The following PRKN variants were observed in gnomAD, a reference collection of about 807,000 sequenced individuals.
PRKN encodes the protein E3 ubiquitin-protein ligase parkin.
Under a neutral mutation model 59.5 loss-of-function variants are expected in PRKN, and 56 were observed. The observed-to-expected ratio is 0.94, with a 90% CI of 0.76 to 1.18. The LOEUF is 1.18. PRKN is among the 50% of genes most tolerant of loss of function. The pLI, the probability that PRKN is intolerant of heterozygous loss-of-function variation, is 0.00. For missense variants in PRKN, 657 were observed against 596.4 expected (o/e 1.10, Z -1.06); for synonymous variants, 250 against 222.1 (o/e 1.13, Z -1.12).
intron 1 of PRKN, among the ~76,000 whole-genome samples, chr6:162,606,657 A>G (rs978296528): frequency 1.3e-5 from 2 of 152,162 alleles, no homozygotes; most frequent in South Asian, 4.1e-4. Flanking sequence ...GATAGATTTG[A>G]TATTGACATG....
chr6:162,467,668 C>A (rs1250372691), intron 1 of PRKN, among the ~76,000 whole-genome samples: 1 of 152,076 alleles, frequency 6.6e-6, no homozygotes, highest in Non-Finnish European at 1.5e-5. Context: ...TCCCTTGACA[C>A]AAGAAAAAAC....
chr6:161,936,504 C>T (rs375640864), intron 6 of PRKN, among the ~76,000 whole-genome samples: 12 of 152,086 alleles, frequency 7.9e-5, no homozygotes, highest in East Asian at 5.8e-4. Flanking sequence ...TCACCATGCC[C>T]GGCTGGTAAC....
chr6:162,511,256 TTG>T (rs1227816757), intron 1 of PRKN, among the ~76,000 whole-genome samples: 2 of 152,152 alleles, frequency 1.3e-5, no homozygotes, highest in African/African-American at 2.4e-5. Context: ...TACTTACTAA[TTG>T]TGTTTGTAGC....
At chr6:162,438,055 T>G (rs1789866095) in intron 2 of PRKN, among the ~76,000 whole-genome samples, 1 of 152,180 alleles carries the variant, frequency 6.6e-6, no homozygotes. Flanking sequence ...AATTTGCGAG[T>G]AATCCAATTT....
chr6:161,771,251 G>A (rs3016566), intron 7 of PRKN, among the ~76,000 whole-genome samples: 80,328 of 150,998 alleles, frequency 0.53, 21,645 homozygotes, highest in Non-Finnish European at 0.57. Context: ...AGCTACTCAG[G>A]AGGCTGAGGC....
chr6:161,416,418 C>T (rs1787854455), intron 9 of PRKN, among the ~76,000 whole-genome samples: 1 of 152,078 alleles, frequency 6.6e-6, no homozygotes, highest in African/African-American at 2.4e-5. Flanking sequence ...GTGCCTAGAA[C>T]AGGACCTGGC....
At chr6:162,426,531 A>T (rs1350627827) in intron 2 of PRKN, among the ~76,000 whole-genome samples, 1 of 152,128 alleles carries the variant, frequency 6.6e-6, no homozygotes, top group Non-Finnish European at 1.5e-5. Context: ...GCTCACTACA[A>T]CCTCTGCCTC....
intron 4 of PRKN, among the ~76,000 whole-genome samples, chr6:162,074,518 T>C (rs1371188022): frequency 1.3e-5 from 2 of 151,478 alleles, no homozygotes; most frequent in African/African-American, 2.4e-5. Context: ...TTGGGAGATA[T>C]ACCTAATGCT....
intron 7 of PRKN, among the ~76,000 whole-genome samples, chr6:161,628,360 T>A (rs1034941736): frequency 6.6e-6 from 1 of 152,216 alleles, no homozygotes; most frequent in Admixed American, 6.5e-5. Flanking sequence ...CTGTGTCTGA[T>A]GAGTGCTGTC....
intron 6 of PRKN, among the ~76,000 whole-genome samples, chr6:161,799,771 T>A (rs1269703575): frequency 6.6e-6 from 1 of 152,200 alleles, no homozygotes; most frequent in African/African-American, 2.4e-5. Context: ...GCACTGCCCA[T>A]GCTGGGTGGC....
At chr6:161,867,130 C>T (rs1421680384) in intron 6 of PRKN, among the ~76,000 whole-genome samples, 2 of 152,128 alleles carry the variant, frequency 1.3e-5, no homozygotes, top group African/African-American at 4.8e-5. Flanking sequence ...TTATTTGGAT[C>T]TGTTCTATAT....
At chr6:162,613,671 C>T (rs575892504) in intron 1 of PRKN, among the ~76,000 whole-genome samples, 10 of 152,202 alleles carry the variant, frequency 6.6e-5, no homozygotes, top group Non-Finnish European at 1.5e-4. Context: ...AAGAGAACTC[C>T]CCTAAGAAAA....
At chr6:162,259,455 T>C (rs909559756) in intron 3 of PRKN, among the ~76,000 whole-genome samples, 1 of 152,238 alleles carries the variant, frequency 6.6e-6, no homozygotes, top group Non-Finnish European at 1.5e-5. Flanking sequence ...AGATTTTTTT[T>C]CTCGCCATTC....
rs943053112 is a variant in PRKN at position 161,359,453 on chromosome 6, C to T, written c.1285+635G>A. ...AGCTGGGAGAGGCTGCGCCTGGCTT[C>T]GTGTCATTGCTCATCTGTGATGGTG... is the stretch of plus-strand genomic sequence containing the variant. On this transcript the variant is annotated intron_variant, in intron 11 of 11. Coordinates refer to ENST00000366898, the MANE Select transcript of PRKN (RefSeq NM_004562.3). This position sits in a 1 kb window ranked among gnomAD's most constrained non-coding sequence, Gnocchi z 5.4. Among the ~76,000 whole-genome samples the T allele has an allele frequency of 5.3e-5, 8 of 152,304 alleles. No homozygotes were observed. The South Asian group carries it at 1.5e-3, about 28-fold the overall frequency.
chr6:161,774,060 T>A lies in PRKN; in HGVS notation c.871+11712A>T, dbSNP rs147803459. On this transcript the variant is annotated intron_variant, in intron 7 of 11. Transcript: ENST00000366898. The stretch of plus-strand genomic sequence containing the variant: ...AGTAGAATTCTATAAAGGCAGCATT[T>A]CCAAGGCCAAAAAGATGACCGAACA... 7.8e-3 allele frequency among the ~76,000 whole-genome samples: 1,187 copies of A among 152,228 alleles called. 22 individuals are homozygous for A. Among genetic ancestry groups the A allele is most frequent in the South Asian group, 0.038 (182 of 4,816 alleles).
intron 5 of PRKN, among the ~76,000 whole-genome samples, chr6:162,024,816 A>G (rs149382349): frequency 1.3e-5 from 2 of 152,278 alleles, no homozygotes; most frequent in African/African-American, 4.8e-5. Context: ...ATTTGCAAAA[A>G]CAAAGAGAAA....
In PRKN at chr6:161,475,327, T is replaced by G. The variant is rs1253152891; in HGVS notation, c.1083+73527A>C. ...CAGACATTCACGTTGCTTTCCAGTA[T>G]TCCCATTTGCGATTTGTTTTTGGTC... is the stretch of plus-strand genomic sequence containing the variant. On this transcript the variant is annotated intron_variant, in intron 9 of 11. Coordinates refer to ENST00000366898, the MANE Select transcript of PRKN (RefSeq NM_004562.3). The surrounding 1 kb of genome is among the most constrained non-coding windows in gnomAD (Gnocchi z 5.3). 1.3e-5 allele frequency among the ~76,000 whole-genome samples: 2 copies of G among 152,212 alleles called. No individual in the cohort carries two copies. Among genetic ancestry groups the G allele is most frequent in the African/African-American group, 4.8e-5 (2 of 41,454 alleles).
At chr6:161,794,465 C>T (rs978453219) in intron 6 of PRKN, among the ~76,000 whole-genome samples, 6 of 152,128 alleles carry the variant, frequency 3.9e-5, no homozygotes, top group African/African-American at 1.2e-4. Flanking sequence ...GACCCCCTGT[C>T]TGATCCCAGC....
chr6:162,239,218 A>G (rs1778880619), intron 3 of PRKN, among the ~76,000 whole-genome samples: 1 of 152,156 alleles, frequency 6.6e-6, no homozygotes, highest in Non-Finnish European at 1.5e-5. Context: ...ACATTTGTCC[A>G]CAAGCCTTTC....
Sources: gnomAD v4.1 joint callset for allele counts (sites outside exome capture counted in the v4.1 genomes callset) on GRCh38, gnomAD v4.1.1 for gene constraint, Gnocchi (gnomAD v3.1) non-coding constraint, MANE v1.5 for transcripts, NCBI Gene and HGNC (gene_info 2026-07-23, HGNC 2026-07-21) for gene names.